Variants in LDB2 observed in about 807,000 individuals in gnomAD.
LDB2 encodes LIM domain binding 2.
LDB2 carries 12 observed loss-of-function variants against 44.3 expected under a neutral mutation model. That is an observed-to-expected ratio of 0.27 (90% confidence interval 0.17 to 0.44). The LOEUF (loss-of-function observed/expected upper bound fraction) is 0.44, where lower values mean the gene tolerates loss of function less well. Among genes scored for constraint, LDB2 ranks in the 20% least tolerant of loss-of-function variants. LDB2 has a pLI of 1.00. For missense variants in LDB2, 344 were observed against 473.5 expected (o/e 0.73, Z 2.54); for synonymous variants, 164 against 174.8 (o/e 0.94, Z 0.49).
chr4:16,615,608 G>A (rs568412227), intron 2 of LDB2, among the ~76,000 whole-genome samples: 41 of 152,220 alleles, frequency 2.7e-4, no homozygotes, highest in African/African-American at 9.4e-4. Flanking sequence ...CCTGTTGGGG[G>A]GTGGGGGGTG....
intron 2 of LDB2, among the ~76,000 whole-genome samples, chr4:16,694,287 T>C (rs537819634): frequency 6.6e-6 from 1 of 152,306 alleles, no homozygotes; most frequent in South Asian, 2.1e-4. Flanking sequence ...TACTTGCGCA[T>C]TCACACTTTC....
chr4:16,892,214 G>A (rs1292504611), intron 1 of LDB2, among the ~76,000 whole-genome samples: 1 of 152,110 alleles, frequency 6.6e-6, no homozygotes, highest in Non-Finnish European at 1.5e-5. Flanking sequence ...TCTATTGTAA[G>A]TGTGGTTTGT....
chr4:16,864,108 G>C (rs1358455185), intron 1 of LDB2, among the ~76,000 whole-genome samples: 1 of 152,082 alleles, frequency 6.6e-6, no homozygotes, highest in Non-Finnish European at 1.5e-5. Context: ...ATGAGAGAGA[G>C]GGAGAGAGAG....
intron 3 of LDB2, among the ~76,000 whole-genome samples, chr4:16,592,004 C>G (rs1339244890): frequency 6.6e-6 from 1 of 151,890 alleles, no homozygotes; most frequent in Non-Finnish European, 1.5e-5. Context: ...TCTGTGGTAA[C>G]CAAAATCAGC....
At chr4:16,600,751 C>T (rs1175185035) in intron 2 of LDB2, among the ~76,000 whole-genome samples, 1 of 152,028 alleles carries the variant, frequency 6.6e-6, no homozygotes, top group African/African-American at 2.4e-5. Context: ...GATAGGGTGA[C>T]GGTGTGGTGG....
chr4:16,789,941 A>C (rs1278011110), intron 1 of LDB2, among the ~76,000 whole-genome samples: 1 of 152,192 alleles, frequency 6.6e-6, no homozygotes, highest in Non-Finnish European at 1.5e-5. Context: ...CAAAACAAAA[A>C]CAAACAAACA....
At chr4:16,719,170 C>A (rs1187636566) in intron 2 of LDB2, among the ~76,000 whole-genome samples, 1 of 151,424 alleles carries the variant, frequency 6.6e-6, no homozygotes, top group African/African-American at 2.4e-5. Flanking sequence ...ATTTTTTCTT[C>A]TTGACATAAA....
chr4:16,688,790 C>T (rs969475916), intron 2 of LDB2, among the ~76,000 whole-genome samples: 1 of 152,212 alleles, frequency 6.6e-6, no homozygotes, highest in African/African-American at 2.4e-5. Flanking sequence ...AAACTAAATT[C>T]AAAATCTCTA....
Position 16,646,709 on chromosome 4 carries a change from G to A in LDB2, c.236-50834C>T, listed in dbSNP as rs79155128. ...GTCCTTGTAGGTACTGAGATTTGGT[G>A]CTTTTTATGCAGTATTATCACAACA... On this transcript the variant is annotated intron_variant, in intron 2 of 7. Coordinates refer to ENST00000304523, the MANE Select transcript of LDB2 (RefSeq NM_001290.5). 5.3e-3 allele frequency among the ~76,000 whole-genome samples: 807 copies of A among 152,278 alleles called. 5 individuals are homozygous for A. The highest frequency in any genetic ancestry group is 0.018 in the African/African-American group (763 of 41,538).
Position 16,578,624 on chromosome 4 carries a change from C to T in LDB2, c.615+7298G>A, listed in dbSNP as rs142224110. 4.4e-3 allele frequency among the ~76,000 whole-genome samples: 668 copies of T among 152,258 alleles called. 1 individual carries two copies. The highest frequency in any genetic ancestry group is 0.02 in the Middle Eastern group (6 of 294). On this transcript the variant is annotated intron_variant, in intron 5 of 7. Coordinates refer to ENST00000304523, the MANE Select transcript of LDB2 (RefSeq NM_001290.5). ...TAGGTAGGAATGTAAATTAGTGCAA[C>T]CACTATGGAGAATAGTTTGGAGGTT...
intron 2 of LDB2, among the ~76,000 whole-genome samples, chr4:16,745,045 T>C (rs1414629605): frequency 6.6e-6 from 1 of 152,150 alleles, no homozygotes; most frequent in African/African-American, 2.4e-5. Context: ...TCAGAGAAAT[T>C]AGGTGTAACA....
At chr4:16,725,663 C>T (rs560199313) in intron 2 of LDB2, among the ~76,000 whole-genome samples, 10 of 152,108 alleles carry the variant, frequency 6.6e-5, no homozygotes, top group African/African-American at 2.4e-4. Context: ...CTACTTAGCC[C>T]CTCTAAAGAG....
Position 16,539,505 on chromosome 4 carries a change from A to G in LDB2, c.616-27401T>C, listed in dbSNP as rs115863666. On this transcript the variant is annotated intron_variant, in intron 5 of 7. Coordinates refer to ENST00000304523, the MANE Select transcript of LDB2 (RefSeq NM_001290.5). Reference sequence around the variant, plus strand: ...GGTGACCATGGTGATGATAGTGGTGATAATGATACTAGAATAGATTTTCAC... The same window carrying G: ...GGTGACCATGGTGATGATAGTGGTGGTAATGATACTAGAATAGATTTTCAC... 8.6e-3 allele frequency among the ~76,000 whole-genome samples: 1,310 copies of G among 152,266 alleles called. 13 individuals carry two copies. Among genetic ancestry groups the G allele is most frequent in the South Asian group, 0.017 (82 of 4,820 alleles).
chr4:16,531,393 T>C (rs1422492337), intron 5 of LDB2, among the ~76,000 whole-genome samples: 1 of 152,240 alleles, frequency 6.6e-6, no homozygotes, highest in African/African-American at 2.4e-5. Context: ...CTCTTCACAA[T>C]CATGTGTGAA....
At chr4:16,656,362 G>A (rs1307819573) in intron 2 of LDB2, among the ~76,000 whole-genome samples, 2 of 152,148 alleles carry the variant, frequency 1.3e-5, no homozygotes, top group Non-Finnish European at 2.9e-5. Flanking sequence ...CAGTATTTAG[G>A]AGTCCTGTAG....
intron 2 of LDB2, among the ~76,000 whole-genome samples, chr4:16,676,959 T>C (rs1456604546): frequency 6.6e-6 from 1 of 152,100 alleles, no homozygotes; most frequent in Non-Finnish European, 1.5e-5. Context: ...ACCCTGCTTT[T>C]TGGTATTTGA....
intron 1 of LDB2, among the ~76,000 whole-genome samples, chr4:16,789,232 C>A (rs1775171383): frequency 1.3e-5 from 2 of 152,136 alleles, no homozygotes; most frequent in African/African-American, 4.8e-5. Flanking sequence ...GATCCACGGA[C>A]CCAAGTGGGA....
chr4:16,876,957 G>A (rs1222245909), intron 1 of LDB2, among the ~76,000 whole-genome samples: 1 of 151,460 alleles, frequency 6.6e-6, no homozygotes, highest in African/African-American at 2.4e-5. Context: ...ACACAGACTG[G>A]AGTGCAGTGG....
At chr4:16,726,348 T>C (rs1159828118) in intron 2 of LDB2, 3 of 152,182 alleles carry the variant, frequency 2.0e-5, no homozygotes, top group Admixed American at 2.0e-4. Flanking sequence ...TGAATACCAA[T>C]GATAAATCCA....
Sources: allele counts gnomAD v4.1 joint callset (sites outside exome capture counted in the v4.1 genomes callset), GRCh38; gene constraint gnomAD v4.1.1; transcripts MANE v1.5; gene names NCBI Gene and HGNC (gene_info 2026-07-23, HGNC 2026-07-21).